The following MGAT5 variants were observed in gnomAD, a reference collection of about 807,000 sequenced individuals.
MGAT5 encodes the protein alpha-1,6-mannosylglycoprotein 6-beta-N-acetylglucosaminyltransferase A.
Under a neutral mutation model 94.3 loss-of-function variants are expected in MGAT5, and 30 were observed. The observed-to-expected ratio is 0.32, with a 90% CI of 0.24 to 0.43. The LOEUF is 0.43. Among genes scored for constraint, MGAT5 ranks in the 20% least tolerant of loss-of-function variants. MGAT5 has a pLI of 1.00. For synonymous variants in MGAT5, 310 were observed against 322.9 expected, an observed-to-expected ratio of 0.96 and a Z score of 0.43; for missense variants, 691 against 905.5, an observed-to-expected ratio of 0.76 and a Z score of 3.04.
At chr2:134,193,123 T>A (rs1050821169) in intron 1 of MGAT5, among the ~76,000 whole-genome samples, 2 of 139,024 alleles carry the variant, frequency 1.4e-5, no homozygotes, top group Non-Finnish European at 1.5e-5. Context: ...TTTTTATTTT[T>A]TATTTTTTTT....
rs533443774 is a variant in MGAT5 at position 134,151,532 on chromosome 2, C to T, written c.-143+31241C>T. On this transcript the variant is annotated intron_variant, in intron 1 of 16. Coordinates refer to the MGAT5 transcript ENST00000409645. ...GTGGGACCCACTCACTGCCATGGGA[C>T]CTCACTCACTCATGCCCTGTGGGAC... Among the ~76,000 whole-genome samples, 225 of 137,760 alleles carry T rather than the reference C, an allele frequency of 1.6e-3. 1 individual carries two copies. Among genetic ancestry groups the T allele is most frequent in the Non-Finnish European group, 2.6e-3 (167 of 64,336 alleles). The allele number at this position is 137,760 out of a possible 152,430, so 90.4% of individuals were successfully genotyped here. A position where few individuals can be genotyped will look rare whatever the true frequency, so the allele number is the denominator to read the frequency against.
At chr2:134,284,934 G>A (rs184518922) in intron 2 of MGAT5, among the ~76,000 whole-genome samples, 37 of 152,272 alleles carry the variant, frequency 2.4e-4, no homozygotes, top group African/African-American at 8.7e-4. Flanking sequence ...CACCTTTCTG[G>A]CCATTTGGAT....
intron 1 of MGAT5, among the ~76,000 whole-genome samples, chr2:134,191,730 GC>G (rs1679194335): frequency 1.4e-5 from 2 of 140,622 alleles, no homozygotes; most frequent in South Asian, 2.3e-4. Flanking sequence ...GTGGGTTCGC[GC>G]CCTCCTCCTC....
intron 15 of MGAT5, among the ~76,000 whole-genome samples, chr2:134,447,925 C>A (rs550108797): frequency 6.6e-6 from 1 of 152,216 alleles, no homozygotes; most frequent in Non-Finnish European, 1.5e-5. Context: ...CTCAGTTCAC[C>A]TTCCTCTAAC....
At chr2:134,329,173 G>C (rs1558795216) in intron 4 of MGAT5, among the ~76,000 whole-genome samples, 1 of 152,104 alleles carries the variant, frequency 6.6e-6, no homozygotes, top group Admixed American at 6.6e-5. Flanking sequence ...GAATGAACTT[G>C]CATGTTCTTG....
chr2:134,284,450 C>A (rs1257203), intron 2 of MGAT5, among the ~76,000 whole-genome samples: 148,100 of 152,296 alleles, frequency 0.97, 72,069 homozygotes, highest in East Asian at 1. Context: ...GAAAATATTT[C>A]CTATCTGGCT....
chr2:134,216,555 A>T (rs1680506820), intron 1 of MGAT5, among the ~76,000 whole-genome samples: 1 of 152,228 alleles, frequency 6.6e-6, no homozygotes. Context: ...CTTGAAGGAA[A>T]ATGAAAGCTT....
In MGAT5 at chr2:134,300,023, G is replaced by T. The variant is rs549029851; in HGVS notation, c.407-17506G>T. On this transcript the variant is annotated intron_variant, in intron 2 of 15. Transcript: ENST00000281923. ...CTTTGATCTGCAGCCCTGTTGCAGA[G>T]GTTGCTGTTATATTCATTTCTATGT... Among the ~76,000 whole-genome samples, 9 of 152,266 alleles carry T rather than the reference G, an allele frequency of 5.9e-5. No homozygotes were observed. In the South Asian group the frequency reaches 1.9e-3, roughly 32 times the overall value.
At chr2:134,152,805 C>T (rs1687285653) in intron 1 of MGAT5, among the ~76,000 whole-genome samples, 1 of 151,854 alleles carries the variant, frequency 6.6e-6, no homozygotes, top group Non-Finnish European at 1.5e-5. Context: ...TGAAATAGGG[C>T]AGTGCTTTGG....
At chr2:134,353,197 CA>C (rs371003191) in intron 9 of MGAT5, among the ~76,000 whole-genome samples, 313 of 151,754 alleles carry the variant, frequency 2.1e-3, no homozygotes, top group African/African-American at 7.1e-3. Flanking sequence ...TGTTTTTTAC[CA>C]CAATAAAAAT....
In MGAT5 at chr2:134,254,312, A is replaced by G; in HGVS notation, c.-92A>G. The G allele has an allele frequency of 1.3e-6, 2 of 1,501,030 alleles. No individual in the cohort carries two copies. Among genetic ancestry groups the G allele is most frequent in the Non-Finnish European group, 9.0e-7 (1 of 1,108,384 alleles). 93.0% of individuals were successfully genotyped at this position (1,501,030 alleles called of 1,614,324 possible). A position where few individuals can be genotyped will look rare whatever the true frequency, so the allele number is the denominator to read the frequency against. ...CAGCTGACACAGGAGCCAGAGTGAGACCAGCAGACTCTCACACTCAACCTA... is the reference window on the plus strand; with the variant it reads ...CAGCTGACACAGGAGCCAGAGTGAGGCCAGCAGACTCTCACACTCAACCTA... On this transcript the variant is annotated 5_prime_UTR_variant, in exon 1 of 16. Transcript: ENST00000281923.
chr2:134,407,823 G>C (rs574499068), intron 11 of MGAT5, among the ~76,000 whole-genome samples: 93 of 151,684 alleles, frequency 6.1e-4, no homozygotes, highest in Non-Finnish European at 9.9e-4. Context: ...CAGTTCAGTT[G>C]TGTAAAATGT....
chr2:134,253,755 A>G (rs1682758616), upstream of MGAT5, among the ~76,000 whole-genome samples: 1 of 152,200 alleles, frequency 6.6e-6, no homozygotes, highest in African/African-American at 2.4e-5. Flanking sequence ...GGCCATGCTC[A>G]AATAAGATGT....
rs751577001 is a variant in MGAT5 at position 134,341,706 on chromosome 2, G to T, written c.924G>T (p.Leu308=). The part of the protein sequence containing the change: ...LVQWSDLITS[L]YLLGHDIRIS... ...AATGGAGTGATTTAATTACATCTCT[G>T]TACTTACTGGGCCATGACATTAGGA... Residue 308 remains leucine (L), a synonymous_variant, in exon 7 of 16, where the codon CTG becomes CTT. Coordinates refer to ENST00000281923, the MANE Select transcript of MGAT5 (RefSeq NM_002410.5). 6.2e-6 allele frequency: 10 copies of T among 1,613,460 alleles called. No homozygotes were observed. Among genetic ancestry groups the T allele is most frequent in the Non-Finnish European group, 7.6e-6 (9 of 1,179,668 alleles).
intron 1 of MGAT5, among the ~76,000 whole-genome samples, chr2:134,130,990 T>G (rs1686129775): frequency 6.6e-6 from 1 of 152,230 alleles, no homozygotes; most frequent in African/African-American, 2.4e-5. Context: ...GCAGGCTGCC[T>G]GAGCTGGCAC....
intron 1 of MGAT5, among the ~76,000 whole-genome samples, chr2:134,141,961 G>A (rs1282374687): frequency 6.6e-6 from 1 of 152,202 alleles, no homozygotes; most frequent in Non-Finnish European, 1.5e-5. Context: ...TGCTTGCAGT[G>A]TGAAAAGGAG....
chr2:134,193,674 T>TG (rs1679346109), intron 1 of MGAT5, among the ~76,000 whole-genome samples: 4 of 128,612 alleles, frequency 3.1e-5, no homozygotes, highest in Non-Finnish European at 6.5e-5. Flanking sequence ...ACCCCAAATC[T>TG]TTGTGTGTGT....
intron 1 of MGAT5, among the ~76,000 whole-genome samples, chr2:134,243,235 C>A (rs1682063600): frequency 6.6e-6 from 1 of 152,026 alleles, no homozygotes; most frequent in African/African-American, 2.4e-5. Context: ...AAATCAAAAT[C>A]TTTGGGTGTG....
At chr2:134,403,524 G>A (rs1683175071) in intron 11 of MGAT5, among the ~76,000 whole-genome samples, 4 of 152,152 alleles carry the variant, frequency 2.6e-5, no homozygotes, top group Non-Finnish European at 1.5e-5. Context: ...TCAAGGAGTG[G>A]GTTTCCCAAC....
Sources: gnomAD v4.1 joint callset for allele counts (sites outside exome capture counted in the v4.1 genomes callset) on GRCh38, gnomAD v4.1.1 for gene constraint, MANE v1.5 for transcripts, NCBI Gene and HGNC (gene_info 2026-07-23, HGNC 2026-07-21) for gene names.